Variants in FRMD4B observed in about 807,000 individuals in gnomAD.
FRMD4B encodes FERM domain-containing protein 4B.
FRMD4B carries 74 observed loss-of-function variants against 141.5 expected under a neutral mutation model. That is an observed-to-expected ratio of 0.52 (90% CI 0.43 to 0.63). The LOEUF is 0.63. Ranked by LOEUF, FRMD4B falls within the 30% of genes least tolerant of loss-of-function variation. The pLI, the probability that FRMD4B is intolerant of heterozygous loss-of-function variation, is 0.00. For synonymous variants in FRMD4B, 506 were observed against 467.9 expected, an observed-to-expected ratio of 1.08 and a Z score of -1.05; for missense variants, 1,366 against 1,253.4, an observed-to-expected ratio of 1.09 and a Z score of -1.36.
chr3:69,310,569 CACACACACACACAGAGAGAGAGAG>C, intron 3 of FRMD4B: 1 of 248,486 alleles, frequency 4.0e-6, no homozygotes. Flanking sequence ...CACACACACA[CACACACACACACAGAGAGAGAGAG>C]AGAGAGAGAG....
At chr3:69,212,373 AAAAAAAAG>A (rs1204732807) in intron 11 of FRMD4B, among the ~76,000 whole-genome samples, 946 of 90,256 alleles carry the variant, frequency 0.01, 12 homozygotes, top group African/African-American at 0.034. Flanking sequence ...AAAAAAAAAA[AAAAAAAAG>A]AAAAAAAAAA....
At chr3:69,215,306 T>TGTTTTTTTTTTTTTTTTTTTTTTTA (rs2093129745) in intron 11 of FRMD4B, among the ~76,000 whole-genome samples, 1 of 128,516 alleles carries the variant, frequency 7.8e-6, no homozygotes, top group Non-Finnish European at 1.6e-5. Context: ...TTTTTTTTTT[T>TGTTTTTTTTTTTTTTTTTTTTTTTA]TTTTGAGATG....
In FRMD4B at chr3:69,204,499, G is replaced by A. The variant is rs547895503; in HGVS notation, c.877-5725C>T. On this transcript the variant is annotated intron_variant, in intron 11 of 22. Transcript: ENST00000398540. The stretch of plus-strand genomic sequence containing the variant: ...TACATCAGTGACTCACACGGTGGGG[G>A]ATCCCTCTGCTATTATTACGTGAAG... Among the ~76,000 whole-genome samples the A allele has an allele frequency of 2.6e-5, 4 of 152,228 alleles. No individual in the cohort carries two copies. In the South Asian group the frequency reaches 8.3e-4, roughly 32 times the overall value.
chr3:69,317,880 G>C (rs928026394), intron 1 of FRMD4B, among the ~76,000 whole-genome samples: 1 of 151,846 alleles, frequency 6.6e-6, no homozygotes, highest in African/African-American at 2.4e-5. Context: ...TCACTGATCC[G>C]GGTGAATTTT....
In FRMD4B at chr3:69,346,374, C is replaced by T. The variant is rs528527363; in HGVS notation, c.163-32857G>A. On this transcript the variant is annotated intron_variant, in intron 1 of 22. Coordinates refer to ENST00000398540, the MANE Select transcript of FRMD4B (RefSeq NM_015123.3). ...GTCTGATTGGTATACCTGAAAGTGA[C>T]GGGGAGAATGGAACCAAGTTGGAAA... 4.6e-4 allele frequency among the ~76,000 whole-genome samples: 70 copies of T among 152,226 alleles called. 1 individual carries two copies. The highest frequency in any genetic ancestry group is 5.4e-4 in the Non-Finnish European group (37 of 68,018).
intron 1 of FRMD4B, among the ~76,000 whole-genome samples, chr3:69,461,906 T>C (rs1484567292): frequency 1.3e-5 from 2 of 152,186 alleles, no homozygotes; most frequent in Non-Finnish European, 2.9e-5. Flanking sequence ...ATGGCATCCT[T>C]CCTGTAGGTG....
intron 4 of FRMD4B, among the ~76,000 whole-genome samples, chr3:69,293,233 G>A (rs947930367): frequency 2.0e-5 from 3 of 152,028 alleles, no homozygotes; most frequent in Admixed American, 6.5e-5. Flanking sequence ...TTGAAGAGTC[G>A]CTTAAATTTA....
chr3:69,384,889 G>T (rs1173854186), intron 1 of FRMD4B, among the ~76,000 whole-genome samples: 2 of 152,220 alleles, frequency 1.3e-5, no homozygotes, highest in South Asian at 2.1e-4. Context: ...TAGGAACAGG[G>T]TCAAATGGGG....
intron 1 of FRMD4B, among the ~76,000 whole-genome samples, chr3:69,338,773 C>T (rs1263856099): frequency 6.6e-6 from 1 of 152,038 alleles, no homozygotes; most frequent in Non-Finnish European, 1.5e-5. Flanking sequence ...AATATGTACA[C>T]CAAACACCTA....
chr3:69,193,888 T>G lies in FRMD4B; in HGVS notation c.1489-15A>C. ...AAAGCAGGATCCTGCATTTATACAA[T>G]GATAGTTTTATTTTTATGGACACAT... On this transcript the variant is annotated splice_polypyrimidine_tract_variant and intron_variant, in intron 16 of 22. Transcript: ENST00000398540. 6.7e-7 allele frequency: 1 copy of G among 1,501,588 alleles called. No homozygotes were observed. Among genetic ancestry groups the G allele is most frequent in the Non-Finnish European group, 9.2e-7 (1 of 1,087,120 alleles). 93.0% of individuals were successfully genotyped at this position (1,501,588 alleles called of 1,614,324 possible).
At chr3:69,315,573 T>G (rs1185744568) in intron 1 of FRMD4B, among the ~76,000 whole-genome samples, 1 of 152,264 alleles carries the variant, frequency 6.6e-6, no homozygotes, top group African/African-American at 2.4e-5. Flanking sequence ...AGTAGGACTA[T>G]GCTTCACTTG....
At chr3:69,204,828 G>A (rs554788104) in intron 11 of FRMD4B, among the ~76,000 whole-genome samples, 31 of 152,208 alleles carry the variant, frequency 2.0e-4, no homozygotes, top group Admixed American at 5.2e-4. Context: ...ATCTTATGGC[G>A]TCTTCCCAAC....
At chr3:69,403,101 A>G (rs1475613128) in intron 2 of FRMD4B, among the ~76,000 whole-genome samples, 2 of 152,226 alleles carry the variant, frequency 1.3e-5, no homozygotes, top group Non-Finnish European at 2.9e-5. Context: ...TAAAACAGAA[A>G]GGCTAAATCA....
At position 69,311,260 on chromosome 3, in the gene FRMD4B, T is replaced by C. The variant is rs953084910; in HGVS notation, c.323+3A>G. 8 of 1,383,704 alleles carry C rather than the reference T, an allele frequency of 5.8e-6. No homozygotes were observed. In the East Asian group the frequency reaches 1.1e-4, roughly 20 times the overall value. The allele number at this position is 1,383,704 out of a possible 1,614,324, so 85.7% of individuals were successfully genotyped here. ...AAGAAACTAAAACTATTAAAGGACT[T>C]ACGTGTCATCTATGAATGTTATTCC... On this transcript the variant is annotated splice_donor_region_variant and intron_variant, in intron 3 of 22. Transcript: ENST00000398540.
At chr3:69,434,435 A>C (rs926018785) in intron 1 of FRMD4B, among the ~76,000 whole-genome samples, 1 of 152,204 alleles carries the variant, frequency 6.6e-6, no homozygotes, top group Non-Finnish European at 1.5e-5. Flanking sequence ...GTTACACACA[A>C]CTGGTTAGTT....
At chr3:69,234,935 G>C (rs922293378) in intron 7 of FRMD4B, among the ~76,000 whole-genome samples, 13 of 151,898 alleles carry the variant, frequency 8.6e-5, no homozygotes, top group African/African-American at 3.1e-4. Context: ...GATCACTTGA[G>C]ATCAAGAGTT....
chr3:69,358,609 G>A lies in FRMD4B; in HGVS notation c.162+27219C>T, dbSNP rs189379624. Among the ~76,000 whole-genome samples the A allele has an allele frequency of 9.2e-5, 14 of 152,174 alleles. No homozygotes were observed. In the East Asian group the frequency reaches 2.1e-3, roughly 23 times the overall value. On this transcript the variant is annotated intron_variant, in intron 1 of 22. Transcript: ENST00000398540. ...AAATTAGCCAAGTGTGGTGGCATGC[G>A]CCTATAGTCCCAGATACTCAGGAGG...
At chr3:69,287,644 C>CTTTT in intron 5 of FRMD4B, 108 bp downstream of exon 5, 1 of 534,800 alleles carries the variant, frequency 1.9e-6, no homozygotes, top group Non-Finnish European at 3.4e-6. Context: ...AGATTGTGGC[C>CTTTT]TTTTTTTTTT....
intron 2 of FRMD4B, among the ~76,000 whole-genome samples, chr3:69,414,096 C>T (rs1465598837): frequency 1.3e-5 from 2 of 152,066 alleles, no homozygotes; most frequent in Admixed American, 6.6e-5. Flanking sequence ...CAGAAGGAAA[C>T]TAGAAAATAT....
Sources: gnomAD v4.1 joint callset for allele counts (sites outside exome capture counted in the v4.1 genomes callset) on GRCh38, gnomAD v4.1.1 for gene constraint, MANE v1.5 for transcripts, NCBI Gene and HGNC (gene_info 2026-07-23, HGNC 2026-07-21) for gene names.